Variants in ANGEL2 observed in about 807,000 individuals in gnomAD.
The protein encoded by ANGEL2 is angel homolog 2, also known as RNA 2',3'-cyclic phosphatase ANGEL2.
Under a neutral mutation model 66.0 loss-of-function variants are expected in ANGEL2, and 41 were observed. That is an observed-to-expected ratio of 0.62 (90% CI 0.48 to 0.81). The LOEUF is 0.81. Ranked by LOEUF, ANGEL2 falls within the 30% of genes least tolerant of loss-of-function variation. The pLI is 0.00. For missense variants in ANGEL2, 561 were observed against 641.6 expected (o/e 0.87, Z 1.36); for synonymous variants, 208 against 226.5 (o/e 0.92, Z 0.73).
rs1423401305 is a variant in ANGEL2, at chr1:213,015,822, C to CGCCGGCCG, written c.-159_-152dup. 2 of 988,164 alleles carry CGCCGGCCG rather than the reference C, an allele frequency of 2.0e-6. No homozygotes were observed. Among genetic ancestry groups the CGCCGGCCG allele is most frequent in the Non-Finnish European group, 3.0e-6 (2 of 666,406 alleles). The allele number at this position is 988,164 out of a possible 1,614,324, so 61.2% of individuals were successfully genotyped here. On this transcript the variant is annotated 5_prime_UTR_variant, in exon 1 of 9. It introduces an in-frame stop codon into an upstream open reading frame of the 5' UTR. Coordinates refer to ENST00000366962, the MANE Select transcript of ANGEL2 (RefSeq NM_144567.5). ...CAAGGCATGCTGGGAGGTGCAGTCT[C>CGCCGGCCG]GCCGGCCGGCCTACACTCCATCTTG...
intron 5 of ANGEL2, 182 bp from the exon 6 acceptor site, chr1:213,001,094 C>T (rs565560761): frequency 4.1e-5 from 23 of 567,690 alleles, no homozygotes. Context: ...TCAGAAAGCA[C>T]TTATCATTTA....
chr1:213,013,394 C>G lies in ANGEL2; in HGVS notation c.84G>C (p.Ser28=), dbSNP rs757678878. 75 of 1,613,400 alleles carry G rather than the reference C, an allele frequency of 4.6e-5. No individual in the cohort carries two copies. The Admixed American group carries it at 1.1e-3, about 23-fold the overall frequency. ...TAGTCCAGTCTCTGCCCAGACTCCT[C>G]GAGTGATGGGGAAACATGGGGTATC... is the stretch of plus-strand genomic sequence containing the variant. ...RGRYPMFPHH[S]RSLGRDWTTP... Residue 28 remains serine (S), a synonymous_variant, in exon 2 of 9, where the codon TCG becomes TCC. Transcript: ENST00000366962.
At chr1:213,004,197 T>C (rs2076255280) in intron 5 of ANGEL2, among the ~76,000 whole-genome samples, 1 of 150,504 alleles carries the variant, frequency 6.6e-6, no homozygotes, top group African/African-American at 2.4e-5. Context: ...CAAGACTCCA[T>C]CTCAAAAAAA....
chr1:212,998,726 C>T (rs2148138082), intron 7 of ANGEL2, among the ~76,000 whole-genome samples: 1 of 151,662 alleles, frequency 6.6e-6, no homozygotes, highest in Non-Finnish European at 1.5e-5. Context: ...CGCGGTTTCA[C>T]CGTGTTAGCC....
chr1:213,004,865 CAAAAAAAAAAAAAA>C (rs60445711), intron 5 of ANGEL2, among the ~76,000 whole-genome samples, 154 bp downstream of exon 5: 3 of 35,272 alleles, frequency 8.5e-5, no homozygotes, highest in Middle Eastern at 0.023. Context: ...GAGACTGTCT[CAAAAAAAAAAAAAA>C]AAAAAAAAAA....
At position 213,008,219 on chromosome 1, in the gene ANGEL2, A is replaced by T; in HGVS notation, c.633T>A (p.Phe211Leu). The change falls in exon 3 of 9, where the codon TTT becomes TTA. Residue 211 changes from phenylalanine (F) to leucine (L), a missense_variant. Physicochemically the swap from Phe to Leu is conservative, Grantham distance 22 (BLOSUM62 0). Transcript: ENST00000366962. ...AATATTTTGCACTTACGTCTGCATCAAAATGTTTAATTTCTTTCAGAATAT... is the reference window on the plus strand; with the variant it reads ...AATATTTTGCACTTACGTCTGCATCTAAATGTTTAATTTCTTTCAGAATAT... The part of the protein sequence containing the change: ...FPNILKEIKH[F>L]DADVLCLQEV... The T allele has an allele frequency of 1.9e-6, 3 of 1,612,558 alleles. No individual in the cohort carries two copies. The highest frequency in any genetic ancestry group is 2.5e-6 in the Non-Finnish European group (3 of 1,179,246).
At position 213,004,793 on chromosome 1, in the gene ANGEL2, G is replaced by A. The variant is rs545228325; in HGVS notation, c.1134+240C>T. ...TGAGGCAGGAGAATCACTTGAACCC[G>A]GGAGGTGGAGCTTGCAGTGAGCTGA... On this transcript the variant is annotated intron_variant, in intron 5 of 8. Transcript: ENST00000366962. Among the ~76,000 whole-genome samples the A allele has an allele frequency of 1.6e-4, 24 of 149,866 alleles. 1 individual carries two copies. Among genetic ancestry groups the A allele is most frequent in the African/African-American group, 2.2e-4 (9 of 40,766 alleles).
intron 8 of ANGEL2, among the ~76,000 whole-genome samples, chr1:212,996,174 G>T (rs1425558788): frequency 2.0e-5 from 3 of 152,152 alleles, no homozygotes; most frequent in Admixed American, 6.5e-5. Flanking sequence ...GGGCATGGTG[G>T]CGGGCGCCTG....
At position 212,995,262 on chromosome 1, in the gene ANGEL2, C is replaced by A. The variant is rs2075965223; in HGVS notation, c.1484-70G>T. The A allele has an allele frequency of 2.8e-6, 4 of 1,405,902 alleles. No homozygotes were observed. In the Admixed American group the frequency reaches 9.4e-5, roughly 33 times the overall value. The allele number at this position is 1,405,902 out of a possible 1,614,324, so 87.1% of individuals were successfully genotyped here. On this transcript the variant is annotated intron_variant, in intron 8 of 8. Transcript: ENST00000366962. Reference sequence around the variant, plus strand: ...GTTATTGTAAATTAATCATACAAGTCTTTTCTCCAAACAAATATAGAACTT... The same window carrying A: ...GTTATTGTAAATTAATCATACAAGTATTTTCTCCAAACAAATATAGAACTT...
At position 212,994,827 on chromosome 1, in the gene ANGEL2, G is replaced by T. The variant is rs1278184840; in HGVS notation, c.*214C>A. On this transcript the variant is annotated 3_prime_UTR_variant, in exon 9 of 9. Coordinates refer to ENST00000366962, the MANE Select transcript of ANGEL2 (RefSeq NM_144567.5). ...CTTTACATCTCTTTTACAATAAAGA[G>T]AATTTAGAGCTCACTTGTCACGAAA... 5 of 346,796 alleles carry T rather than the reference G, an allele frequency of 1.4e-5. No homozygotes were observed. Among genetic ancestry groups the T allele is most frequent in the African/African-American group, 8.4e-5 (4 of 47,420 alleles). The allele number at this position is 346,796 out of a possible 1,614,324, so 21.5% of individuals were successfully genotyped here. A position where few individuals can be genotyped will look rare whatever the true frequency, so the allele number is the denominator to read the frequency against.
In ANGEL2 at chr1:213,014,651, G is replaced by A. The variant is rs376677675; in HGVS notation, c.59+962C>T. On this transcript the variant is annotated intron_variant, in intron 1 of 8. Transcript: ENST00000366962. The stretch of plus-strand genomic sequence containing the variant: ...TTATTCAGACTTTTTTTTCTCTTAA[G>A]ATGTTAAGCTCCTTCAGGGCCAGAA... Among the ~76,000 whole-genome samples the A allele has an allele frequency of 5.3e-5, 8 of 152,028 alleles. No homozygotes were observed. In the East Asian group the frequency reaches 9.7e-4, roughly 18 times the overall value.
At chr1:213,009,522 T>G (rs1475830441) in intron 2 of ANGEL2, among the ~76,000 whole-genome samples, 1 of 152,216 alleles carries the variant, frequency 6.6e-6, no homozygotes, top group Non-Finnish European at 1.5e-5. Flanking sequence ...GGTTTTCACT[T>G]CACTGGAATA....
At chr1:213,011,902 T>C (rs1462190889) in intron 2 of ANGEL2, among the ~76,000 whole-genome samples, 1 of 152,246 alleles carries the variant, frequency 6.6e-6, no homozygotes, top group Non-Finnish European at 1.5e-5. Context: ...GATCTTAGGA[T>C]TGTTCTTAGA....
intron 4 of ANGEL2, 126 bp from the exon 5 acceptor site, chr1:213,005,580 G>T: frequency 9.7e-7 from 1 of 1,034,058 alleles, no homozygotes; most frequent in Non-Finnish European, 1.4e-6. Flanking sequence ...AATGTAGGAT[G>T]TCAATAAACA....
intron 2 of ANGEL2, among the ~76,000 whole-genome samples, chr1:213,012,854 T>C (rs1354208054): frequency 6.6e-6 from 1 of 152,222 alleles, no homozygotes; most frequent in Non-Finnish European, 1.5e-5. Flanking sequence ...TCTTTGCCAA[T>C]CTTATTCTAT....
rs142184191 is a variant in ANGEL2 at position 213,015,830 on chromosome 1, G to T, written c.-159C>A. ...GCTGGGAGGTGCAGTCTCGCCGGCC[G>T]GCCTACACTCCATCTTGCGCAGTCA... On this transcript the variant is annotated 5_prime_UTR_variant, in exon 1 of 9. Transcript: ENST00000366962. The T allele has an allele frequency of 6.7e-5, 59 of 874,546 alleles. No individual in the cohort carries two copies. Among genetic ancestry groups the T allele is most frequent in the Admixed American group, 1.7e-4 (7 of 41,440 alleles). 54.2% of individuals were successfully genotyped at this position (874,546 alleles called of 1,614,324 possible). A position where few individuals can be genotyped will look rare whatever the true frequency, so the allele number is the denominator to read the frequency against.
At position 213,013,243 on chromosome 1, in the gene ANGEL2, T is replaced by G. The variant is rs773732680; in HGVS notation, c.235A>C (p.Arg79=). Residue 79 remains arginine, a synonymous_variant, in exon 2 of 9, where the codon AGA becomes CGA. Transcript: ENST00000366962. ...CTAGACTCAAACAAACAGGGTGGTC[T>G]CCAATTTAGTGAAAAATGCCTACTA... ...FSSRHFSLNW[R]PPCLFESRTQ... 6.2e-7 allele frequency: 1 copy of G among 1,614,134 alleles called. No individual in the cohort carries two copies. Among genetic ancestry groups the G allele is most frequent in the East Asian group, 2.2e-5 (1 of 44,876 alleles).
At chr1:213,000,516 CTA>C in intron 6 of ANGEL2, 133 bp from the exon 7 acceptor site, 1 of 843,954 alleles carries the variant, frequency 1.2e-6, no homozygotes, top group Non-Finnish European at 1.8e-6. Flanking sequence ...ATTCTGGAAT[CTA>C]TATATTTCGA....
intron 5 of ANGEL2, among the ~76,000 whole-genome samples, chr1:213,003,267 T>C (rs2076228579): frequency 6.6e-6 from 1 of 152,254 alleles, no homozygotes; most frequent in Non-Finnish European, 1.5e-5. Context: ...TTTTGCTTTC[T>C]TATTATGCCT....
Sources: allele counts gnomAD v4.1 joint callset (sites outside exome capture counted in the v4.1 genomes callset), GRCh38; gene constraint gnomAD v4.1.1; transcripts MANE v1.5; gene names NCBI Gene and HGNC (gene_info 2026-07-23, HGNC 2026-07-21).